Variants in IQCM observed in about 807,000 individuals in gnomAD.
The protein encoded by IQCM is IQ domain-containing protein M.
A neutral mutation model predicts 57.6 loss-of-function variants in IQCM; 45 were observed. The observed-to-expected ratio is 0.78, with a 90% CI of 0.62 to 1.00. The LOEUF (loss-of-function observed/expected upper bound fraction) is 1.00, where lower values mean the gene tolerates loss of function less well. IQCM is among the 50% of genes least tolerant of loss of function. The pLI is 0.00. For missense variants in IQCM, 468 were observed against 511.6 expected, an observed-to-expected ratio of 0.91 and a Z score of 0.82; for synonymous variants, 148 against 158.9, an observed-to-expected ratio of 0.93 and a Z score of 0.51.
At chr4:149,415,412 G>A (rs1032832374) in intron 13 of IQCM, among the ~76,000 whole-genome samples, 1 of 152,128 alleles carries the variant, frequency 6.6e-6, no homozygotes, top group Admixed American at 6.6e-5. Context: ...TGTATTGCTT[G>A]CCTCGGTATT....
intron 2 of IQCM, among the ~76,000 whole-genome samples, chr4:149,787,289 T>G (rs183476623): frequency 3.6e-4 from 54 of 151,942 alleles, no homozygotes; most frequent in Non-Finnish European, 4.0e-4. Context: ...GGGTTTGTTT[T>G]TTTTTTTAGA....
chr4:149,607,907 G>A (rs1754938113), intron 8 of IQCM, among the ~76,000 whole-genome samples: 1 of 151,808 alleles, frequency 6.6e-6, no homozygotes, highest in East Asian at 1.9e-4. Context: ...AATGGCAGTA[G>A]TAAGTCCTTA....
chr4:149,609,696 T>G (rs563642450), intron 8 of IQCM, among the ~76,000 whole-genome samples: 1 of 151,938 alleles, frequency 6.6e-6, no homozygotes, highest in South Asian at 2.1e-4. Context: ...CCCTTTATGA[T>G]AAAAACTCTC....
At chr4:149,615,538 G>A (rs1191414802) in intron 8 of IQCM, among the ~76,000 whole-genome samples, 1 of 152,084 alleles carries the variant, frequency 6.6e-6, no homozygotes, top group African/African-American at 2.4e-5. Flanking sequence ...ACATGTGGTT[G>A]CAGAAGTGAA....
chr4:149,580,595 A>G (rs1752088971), intron 9 of IQCM, among the ~76,000 whole-genome samples: 2 of 151,852 alleles, frequency 1.3e-5, no homozygotes, highest in African/African-American at 4.8e-5. Context: ...GGTTCTCATA[A>G]AATCTTTGTA....
At chr4:149,784,401 C>A (rs1224130983) in intron 2 of IQCM, among the ~76,000 whole-genome samples, 1 of 152,172 alleles carries the variant, frequency 6.6e-6, no homozygotes, top group Non-Finnish European at 1.5e-5. Context: ...AGTCAAAGAT[C>A]ATTTTGTTGC....
Position 149,557,500 on chromosome 4 carries a change from T to A in IQCM, c.949-4213A>T, listed in dbSNP as rs17686959. On this transcript the variant is annotated intron_variant, in intron 10 of 13. Coordinates refer to ENST00000636793, the MANE Select transcript of IQCM (RefSeq NM_001363507.2). ...CCTCAATGGGGTTCTCAAAGTGGCC[T>A]GGAATTTCATGCACGCTTTTTAAGG... 3.5e-3 allele frequency among the ~76,000 whole-genome samples: 536 copies of A among 152,326 alleles called. 10 individuals are homozygous for A. Among genetic ancestry groups the A allele is most frequent in the Admixed American group, 0.028 (424 of 15,298 alleles).
intron 7 of IQCM, among the ~76,000 whole-genome samples, chr4:149,679,493 T>C (rs1269204163): frequency 6.6e-6 from 1 of 151,548 alleles, no homozygotes; most frequent in Non-Finnish European, 1.5e-5. Flanking sequence ...TATTGCATGT[T>C]TCAAAATAGC....
chr4:149,481,710 T>TTTTGTTTTTTGTTTTTTG (rs1296038886), intron 12 of IQCM, among the ~76,000 whole-genome samples: 2 of 138,412 alleles, frequency 1.4e-5, no homozygotes, highest in Non-Finnish European at 3.1e-5. Flanking sequence ...TGTTTTTTTT[T>TTTTGTTTTTTGTTTTTTG]TTTTTTTTTT....
At chr4:149,455,407 G>A (rs1737586132) in intron 12 of IQCM, among the ~76,000 whole-genome samples, 1 of 152,060 alleles carries the variant, frequency 6.6e-6, no homozygotes, top group South Asian at 2.1e-4. Flanking sequence ...CTGTGAGAAT[G>A]CCCTTCCCAG....
intron 5 of IQCM, among the ~76,000 whole-genome samples, chr4:149,696,184 T>C (rs960819688): frequency 6.6e-6 from 1 of 152,300 alleles, no homozygotes; most frequent in Non-Finnish European, 1.5e-5. Flanking sequence ...CTGTGGAAAC[T>C]GCTCTCATCA....
intron 7 of IQCM, among the ~76,000 whole-genome samples, chr4:149,640,406 T>C (rs1036890187): frequency 6.6e-6 from 1 of 152,232 alleles, no homozygotes; most frequent in Non-Finnish European, 1.5e-5. Flanking sequence ...TAAAGTTTAA[T>C]GCTTCACAAT....
chr4:149,468,936 C>G (rs1451885001), intron 12 of IQCM, among the ~76,000 whole-genome samples: 1 of 152,128 alleles, frequency 6.6e-6, no homozygotes, highest in Admixed American at 6.5e-5. Flanking sequence ...GGAAAACTAA[C>G]AAACAGAAAG....
chr4:149,625,262 G>C (rs1756694801), intron 7 of IQCM, among the ~76,000 whole-genome samples: 2 of 152,076 alleles, frequency 1.3e-5, no homozygotes, highest in African/African-American at 4.8e-5. Flanking sequence ...AAATGAACAA[G>C]GCCTTTACTC....
chr4:149,416,528 C>G (rs1314251189), intron 13 of IQCM, among the ~76,000 whole-genome samples: 1 of 151,988 alleles, frequency 6.6e-6, no homozygotes, highest in Non-Finnish European at 1.5e-5. Context: ...GATGCCTGGG[C>G]CCCACCCCAG....
chr4:149,598,514 C>A (rs1753980816), intron 8 of IQCM, among the ~76,000 whole-genome samples: 1 of 151,628 alleles, frequency 6.6e-6, no homozygotes, highest in Non-Finnish European at 1.5e-5. Context: ...ATAACAAGTA[C>A]AAAATGGAAA....
At chr4:149,746,254 C>T (rs1232867415) in intron 2 of IQCM, among the ~76,000 whole-genome samples, 3 of 152,082 alleles carry the variant, frequency 2.0e-5, no homozygotes, top group Non-Finnish European at 2.9e-5. Context: ...AGAAATTGTA[C>T]CTATATCTAC....
chr4:149,618,420 A>C (rs1226368916), intron 8 of IQCM, among the ~76,000 whole-genome samples: 1 of 152,176 alleles, frequency 6.6e-6, no homozygotes, highest in Non-Finnish European at 1.5e-5. Context: ...CCTAGGAAAA[A>C]GTCTTCTGGA....
intron 8 of IQCM, among the ~76,000 whole-genome samples, chr4:149,605,475 A>G (rs78054106): frequency 6.6e-6 from 1 of 152,178 alleles, no homozygotes; most frequent in African/African-American, 2.4e-5. Flanking sequence ...CTATGAGAAT[A>G]GTTGAATATA....
Sources: allele counts gnomAD v4.1 joint callset (sites outside exome capture counted in the v4.1 genomes callset), GRCh38; gene constraint gnomAD v4.1.1; transcripts MANE v1.5; gene names NCBI Gene and HGNC (gene_info 2026-07-23, HGNC 2026-07-21).